KCNK1: variants seen among roughly 807,000 people sequenced by gnomAD.
KCNK1 encodes potassium channel subfamily K member 1.
A neutral mutation model predicts 22.2 loss-of-function variants in KCNK1; 10 were observed. That is an observed-to-expected ratio of 0.45 (90% CI 0.28 to 0.76). The LOEUF is 0.76. Among genes scored for constraint, KCNK1 ranks in the 30% least tolerant of loss-of-function variants. KCNK1 has a pLI of 0.14. For missense variants in KCNK1, 378 were observed against 421.0 expected (o/e 0.90, Z 0.89); for synonymous variants, 200 against 186.4 (o/e 1.07, Z -0.60).
intron 1 of KCNK1, among the ~76,000 whole-genome samples, chr1:233,660,986 C>A (rs957448188): frequency 1.1e-4 from 17 of 152,082 alleles, no homozygotes; most frequent in Non-Finnish European, 1.6e-4. Context: ...AATACTCAGT[C>A]TTTTTATTTA....
chr1:233,625,865 G>A (rs1302832992), intron 1 of KCNK1, among the ~76,000 whole-genome samples: 2 of 152,166 alleles, frequency 1.3e-5, no homozygotes, highest in Non-Finnish European at 2.9e-5. Flanking sequence ...GCTAGAAAGT[G>A]ACTGTGGCTG....
intron 1 of KCNK1, among the ~76,000 whole-genome samples, chr1:233,640,703 T>C (rs866191575): frequency 7.2e-5 from 11 of 151,850 alleles, no homozygotes; most frequent in African/African-American, 2.7e-4. Flanking sequence ...TGGTTCTGCT[T>C]TTCTCTCTCT....
In KCNK1 at chr1:233,667,505, C is replaced by T. The variant is rs947434930; in HGVS notation, c.751+515C>T. On this transcript the variant is annotated intron_variant, in intron 2 of 2. Coordinates refer to ENST00000366621, the MANE Select transcript of KCNK1 (RefSeq NM_002245.4). ...CAGCACTTTGGGAGGCCGAGGCGGG[C>T]GGATCACGAGGTCAGGAGATCGAGA... 1.2e-3 allele frequency among the ~76,000 whole-genome samples: 184 copies of T among 151,852 alleles called. 1 individual carries two copies. The highest frequency in any genetic ancestry group is 6.8e-3 in the Middle Eastern group (2 of 292).
At chr1:233,622,232 G>A (rs142347633) in intron 1 of KCNK1, among the ~76,000 whole-genome samples, 34 of 152,276 alleles carry the variant, frequency 2.2e-4, no homozygotes, top group African/African-American at 6.7e-4. Context: ...AATTCCAGAA[G>A]GTTCAGTTTA....
intron 1 of KCNK1, chr1:233,660,507 A>T (rs1406686615): frequency 1.3e-5 from 2 of 152,168 alleles, no homozygotes; most frequent in African/African-American, 4.8e-5. Flanking sequence ...ACTATTTACC[A>T]CAGAAGTTCA....
intron 1 of KCNK1, among the ~76,000 whole-genome samples, chr1:233,632,148 A>C (rs1040261521): frequency 6.6e-6 from 1 of 152,190 alleles, no homozygotes; most frequent in African/African-American, 2.4e-5. Flanking sequence ...GCTTCTTATC[A>C]TGGGCTAATA....
intron 1 of KCNK1, among the ~76,000 whole-genome samples, chr1:233,642,972 G>A (rs1320985421): frequency 1.3e-5 from 2 of 150,490 alleles, no homozygotes; most frequent in Admixed American, 6.7e-5. Context: ...AGTAGAGATG[G>A]GGTTTCACCG....
At chr1:233,635,163 T>C (rs1397906656) in intron 1 of KCNK1, among the ~76,000 whole-genome samples, 2 of 152,232 alleles carry the variant, frequency 1.3e-5, no homozygotes, top group Non-Finnish European at 2.9e-5. Flanking sequence ...CAGTTATCAA[T>C]TTGTGAAAGG....
chr1:233,617,660 C>T, intron 1 of KCNK1, among the ~76,000 whole-genome samples: 1 of 152,208 alleles, frequency 6.6e-6, no homozygotes, highest in East Asian at 1.9e-4. Context: ...GTACTCCCAG[C>T]ATTTTGGGAG....
intron 1 of KCNK1, among the ~76,000 whole-genome samples, chr1:233,628,779 A>AATAATAATAATAATAATAATAATG (rs1183579231): frequency 6.6e-6 from 1 of 151,836 alleles, no homozygotes; most frequent in Non-Finnish European, 1.5e-5. Context: ...TAATAATAAT[A>AATAATAATAATAATAATAATAATG]ATAAATTTTA....
chr1:233,625,869 G>C (rs562833980), intron 1 of KCNK1, among the ~76,000 whole-genome samples: 129 of 152,298 alleles, frequency 8.5e-4, no homozygotes, highest in Middle Eastern at 3.4e-3. Context: ...GAAAGTGACT[G>C]TGGCTGGAGC....
intron 1 of KCNK1, chr1:233,629,700 A>G (rs1278191004): frequency 6.6e-6 from 1 of 152,180 alleles, no homozygotes; most frequent in Non-Finnish European, 1.5e-5. Flanking sequence ...AAACACAAGC[A>G]CGGAAGAAGA....
intron 1 of KCNK1, among the ~76,000 whole-genome samples, chr1:233,651,012 G>A (rs541096761): frequency 2.6e-5 from 4 of 152,228 alleles, no homozygotes; most frequent in South Asian, 2.1e-4. Context: ...TACATAATAC[G>A]AGAATTTAGG....
chr1:233,669,728 G>A (rs1031215332), intron 2 of KCNK1, among the ~76,000 whole-genome samples: 2 of 152,048 alleles, frequency 1.3e-5, no homozygotes, highest in Admixed American at 6.6e-5. Context: ...CCTGGGAGGC[G>A]GAGGTTGCAG....
At chr1:233,671,128 A>G (rs1658588646) in intron 2 of KCNK1, 143 bp from the exon 3 acceptor site, 4 of 760,476 alleles carry the variant, frequency 5.3e-6, no homozygotes, top group Admixed American at 4.7e-5. Context: ...TGAACTTAAA[A>G]ACACTTCTAA....
In KCNK1 at chr1:233,627,154, C is replaced by T. The variant is rs562115126; in HGVS notation, c.355+12628C>T. ...ACCTGAGTGATTTTCATTTTTACTG[C>T]ATTGTTGCTTTACTGTTTGAAATGA... On this transcript the variant is annotated intron_variant, in intron 1 of 2. Coordinates refer to ENST00000366621, the MANE Select transcript of KCNK1 (RefSeq NM_002245.4). Among the ~76,000 whole-genome samples the T allele has an allele frequency of 6.0e-4, 92 of 152,146 alleles. No homozygotes were observed. The Middle Eastern group carries it at 0.01, about 17-fold the overall frequency.
At chr1:233,632,410 G>A (rs1207933619) in intron 1 of KCNK1, among the ~76,000 whole-genome samples, 2 of 152,170 alleles carry the variant, frequency 1.3e-5, no homozygotes, top group African/African-American at 2.4e-5. Flanking sequence ...AGATAGGATG[G>A]TAAGGTCAGT....
chr1:233,645,052 G>A (rs1260294396), intron 1 of KCNK1, among the ~76,000 whole-genome samples: 1 of 151,970 alleles, frequency 6.6e-6, no homozygotes, highest in Non-Finnish European at 1.5e-5. Context: ...AAATTAGCTG[G>A]GTGTGGTGGC....
chr1:233,638,881 TG>T (rs1426602087), intron 1 of KCNK1, among the ~76,000 whole-genome samples: 1 of 152,216 alleles, frequency 6.6e-6, no homozygotes, highest in Non-Finnish European at 1.5e-5. Flanking sequence ...TGTGGGGTAG[TG>T]TGTATGTCTG....
Sources: gnomAD v4.1 joint callset for allele counts (sites outside exome capture counted in the v4.1 genomes callset) on GRCh38, gnomAD v4.1.1 for gene constraint, MANE v1.5 for transcripts, NCBI Gene and HGNC (gene_info 2026-07-23, HGNC 2026-07-21) for gene names.